KCNQ1: variants seen among roughly 807,000 people sequenced by gnomAD.
The protein encoded by KCNQ1 is potassium voltage-gated channel subfamily KQT member 1.
A neutral mutation model predicts 72.4 loss-of-function variants in KCNQ1; 49 were observed. The observed-to-expected ratio is 0.68, with a 90% CI of 0.54 to 0.86. KCNQ1 has a LOEUF of 0.86. Among genes scored for constraint, KCNQ1 ranks in the 40% least tolerant of loss-of-function variants. The probability of loss-of-function intolerance (pLI) is 0.00; values close to 1 mark genes in which losing one functional copy is unlikely to be tolerated. For synonymous variants in KCNQ1, 450 were observed against 412.6 expected (o/e 1.09, Z -1.10); for missense variants, 790 against 945.1 (o/e 0.84, Z 2.15).
At chr11:2,449,266 G>T (rs1346712906) in intron 1 of KCNQ1, among the ~76,000 whole-genome samples, 1 of 152,256 alleles carries the variant, frequency 6.6e-6, no homozygotes, top group African/African-American at 2.4e-5. Context: ...TGTGGGCATG[G>T]TGCCCGCAGC....
At position 2,624,836 on chromosome 11, in the gene KCNQ1, G is replaced by T; in HGVS notation, c.1393+35982G>T. On this transcript the variant is annotated intron_variant, in intron 10 of 15. Coordinates refer to ENST00000155840, the MANE Select transcript of KCNQ1 (RefSeq NM_000218.3). The surrounding 1 kb of genome is among the most constrained non-coding windows in gnomAD (Gnocchi z 4.9). ...TACCTCATATAAGTGGAAACATACAGTACTTCTCTTCTTGTGACTGCTGTA... is the reference window on the plus strand; with the variant it reads ...TACCTCATATAAGTGGAAACATACATTACTTCTCTTCTTGTGACTGCTGTA... 2.5e-6 allele frequency: 1 copy of T among 398,484 alleles called. No homozygotes were observed. The highest frequency in any genetic ancestry group is 3.6e-5 in the East Asian group (1 of 28,066). 24.7% of individuals were successfully genotyped at this position (398,484 alleles called of 1,614,324 possible). A position where few individuals can be genotyped will look rare whatever the true frequency, so the allele number is the denominator to read the frequency against.
At position 2,669,508 on chromosome 11, in the gene KCNQ1, A is replaced by C. The variant is rs1259731839; in HGVS notation, c.1514+7427A>C. ...TGTCAGATTCATTCCTTGTCAGCTA[A>C]TGGTTTGATGTATGTTCGCTGAATC... is the stretch of plus-strand genomic sequence containing the variant. On this transcript the variant is annotated intron_variant, in intron 11 of 15. Coordinates refer to ENST00000155840, the MANE Select transcript of KCNQ1 (RefSeq NM_000218.3). This position sits in a 1 kb window ranked among gnomAD's most constrained non-coding sequence, Gnocchi z 5.6. 3.8e-5 allele frequency: 15 copies of C among 398,572 alleles called. No homozygotes were observed. The East Asian group carries it at 5.3e-4, about 14-fold the overall frequency. 24.7% of individuals were successfully genotyped at this position (398,572 alleles called of 1,614,324 possible). A position where few individuals can be genotyped will look rare whatever the true frequency, so the allele number is the denominator to read the frequency against.
chr11:2,610,438 A>G (rs946318440), intron 10 of KCNQ1: 3 of 398,284 alleles, frequency 7.5e-6, no homozygotes, highest in Non-Finnish European at 1.3e-5. Context: ...CTTATATCAT[A>G]TATTTGATCC....
chr11:2,630,413 A>G (rs992323516), intron 10 of KCNQ1: 1 of 398,190 alleles, frequency 2.5e-6, no homozygotes, highest in Admixed American at 4.4e-5. Flanking sequence ...TATGAGGGCA[A>G]TGCTAGCCTT....
chr11:2,589,336 G>T (rs2133761876), intron 10 of KCNQ1, among the ~76,000 whole-genome samples: 1 of 152,290 alleles, frequency 6.6e-6, no homozygotes, highest in South Asian at 2.1e-4. Flanking sequence ...CAGCCCAGGG[G>T]CCCCGAGTCT....
In KCNQ1 at chr11:2,762,125, GAAA is replaced by G. The variant is rs1419752414; in HGVS notation, c.1515-6718_1515-6716del. ...TGCTCCCAGGCTGTTTGGGGTGATG[GAAA>G]GAGGCCAGGACGTGAGGCCAGGGTA... is the stretch of plus-strand genomic sequence containing the variant. On this transcript the variant is annotated intron_variant, in intron 11 of 15. Transcript: ENST00000155840. This position sits in a 1 kb window ranked among gnomAD's most constrained non-coding sequence, Gnocchi z 4.3. Among the ~76,000 whole-genome samples, 1 of 152,224 alleles carries G rather than the reference GAAA, an allele frequency of 6.6e-6. No individual in the cohort carries two copies. The highest frequency in any genetic ancestry group is 1.5e-5 in the Non-Finnish European group (1 of 68,042).
chr11:2,746,843 G>A lies in KCNQ1; in HGVS notation c.1515-22001G>A, dbSNP rs1219260354. 6.6e-6 allele frequency among the ~76,000 whole-genome samples: 1 copy of A among 152,202 alleles called. No homozygotes were observed. The highest frequency in any genetic ancestry group is 2.4e-5 in the African/African-American group (1 of 41,448). ...GGGCCCTAGAGAGACCCTGGGATGT[G>A]GATCACACTGGTGACCCCTGTGAGC... On this transcript the variant is annotated intron_variant, in intron 11 of 15. Coordinates refer to ENST00000155840, the MANE Select transcript of KCNQ1 (RefSeq NM_000218.3). This position sits in a 1 kb window ranked among gnomAD's most constrained non-coding sequence, Gnocchi z 5.9.
At chr11:2,814,281 GGATGGATGGATGGATGGATGGATA>G (rs1334883382) in intron 15 of KCNQ1, among the ~76,000 whole-genome samples, 3 of 138,484 alleles carry the variant, frequency 2.2e-5, no homozygotes, top group East Asian at 2.2e-4. Context: ...ATGGATGGTG[GGATGGATGGATGGATGGATGGATA>G]GATGGATGGA....
rs1008467966 is a variant in KCNQ1 at position 2,478,900 on chromosome 11, G to A, written c.386+33416G>A. Among the ~76,000 whole-genome samples the A allele has an allele frequency of 5.9e-5, 9 of 152,342 alleles. No homozygotes were observed. The highest frequency in any genetic ancestry group is 5.9e-4 in the Admixed American group (9 of 15,306). On this transcript the variant is annotated intron_variant, in intron 1 of 15. Transcript: ENST00000155840. This position sits in a 1 kb window ranked among gnomAD's most constrained non-coding sequence, Gnocchi z 4.0. Reference sequence around the variant, plus strand: ...GTTAGTTAATTCCTAGACACAATTAGGGTACAGGCCTTGGATAAATACACC... The same window carrying A: ...GTTAGTTAATTCCTAGACACAATTAAGGTACAGGCCTTGGATAAATACACC...
chr11:2,675,383 A>G (rs2133873661), intron 11 of KCNQ1: 1 of 398,658 alleles, frequency 2.5e-6, no homozygotes, highest in South Asian at 1.3e-4. Flanking sequence ...AAAACATTTA[A>G]ACACAGATAT....
At chr11:2,619,674 C>T (rs1197120021) in intron 10 of KCNQ1, 7 of 396,498 alleles carry the variant, frequency 1.8e-5, no homozygotes, top group East Asian at 3.6e-5. Context: ...GTGATGCTGG[C>T]CTCATAAAAT....
chr11:2,470,873 T>A (rs1460620192), intron 1 of KCNQ1, among the ~76,000 whole-genome samples: 1 of 152,172 alleles, frequency 6.6e-6, no homozygotes, highest in Non-Finnish European at 1.5e-5. Context: ...ACTTGTTCCC[T>A]TATGGATTGT....
Position 2,579,767 on chromosome 11 carries a change from GACCACCCA to G in KCNQ1, c.922-3667_922-3660del. ...TCTCGGGGCACCCCTGCCTTCTACT[GACCACCCA>G]GCCAGCCAGCAGGAGCCCACGTGCA... is the stretch of plus-strand genomic sequence containing the variant. On this transcript the variant is annotated intron_variant, in intron 6 of 15. Coordinates refer to ENST00000155840, the MANE Select transcript of KCNQ1 (RefSeq NM_000218.3). This position sits in a 1 kb window ranked among gnomAD's most constrained non-coding sequence, Gnocchi z 6.0. 6.6e-6 allele frequency among the ~76,000 whole-genome samples: 1 copy of G among 152,152 alleles called. No individual in the cohort carries two copies. Among genetic ancestry groups the G allele is most frequent in the South Asian group, 2.1e-4 (1 of 4,806 alleles).
chr11:2,561,143 C>T lies in KCNQ1; in HGVS notation c.478-9485C>T, dbSNP rs1175463119. ...TGTGAACCCCAGGGGGTGGAGCCTG[C>T]AGTGAGCCGAGATTGCGCCACTGCA... On this transcript the variant is annotated intron_variant, in intron 2 of 15. Transcript: ENST00000155840. Among the ~76,000 whole-genome samples the T allele has an allele frequency of 5.4e-5, 8 of 148,186 alleles. No individual in the cohort carries two copies. The East Asian group carries it at 1.4e-3, about 26-fold the overall frequency.
chr11:2,676,295 C>T lies in KCNQ1; in HGVS notation c.1514+14214C>T, dbSNP rs1194157892. The T allele has an allele frequency of 7.5e-6, 3 of 398,508 alleles. No homozygotes were observed. The highest frequency in any genetic ancestry group is 6.2e-5 in the African/African-American group (3 of 48,628). The allele number at this position is 398,508 out of a possible 1,614,324, so 24.7% of individuals were successfully genotyped here. ...ATGTGTGTTTACATGTATACAGACACACGTGTGAACAGGTGATGGCTCTGA... is the reference window on the plus strand; with the variant it reads ...ATGTGTGTTTACATGTATACAGACATACGTGTGAACAGGTGATGGCTCTGA... On this transcript the variant is annotated intron_variant, in intron 11 of 15. Transcript: ENST00000155840. This position sits in a 1 kb window ranked among gnomAD's most constrained non-coding sequence, Gnocchi z 4.2.
intron 10 of KCNQ1, chr11:2,640,142 C>T (rs1012954787): frequency 2.8e-6 from 1 of 351,416 alleles, no homozygotes; most frequent in Non-Finnish European, 5.1e-6. Flanking sequence ...ATTCCCTGAC[C>T]CCTTGTGCTT....
In KCNQ1 at chr11:2,642,239, C is replaced by G. The variant is rs1159882298; in HGVS notation, c.1394-19722C>G. 2.5e-6 allele frequency: 1 copy of G among 398,202 alleles called. No homozygotes were observed. The highest frequency in any genetic ancestry group is 2.1e-5 in the African/African-American group (1 of 48,590). 24.7% of individuals were successfully genotyped at this position (398,202 alleles called of 1,614,324 possible). On this transcript the variant is annotated intron_variant, in intron 10 of 15. Coordinates refer to ENST00000155840, the MANE Select transcript of KCNQ1 (RefSeq NM_000218.3). This position sits in a 1 kb window ranked among gnomAD's most constrained non-coding sequence, Gnocchi z 4.3. ...GGTCATTTTAATTTTGTTAATTCTCCCAATCCATGAGAATGGGATGTTTTT... is the reference window on the plus strand; with the variant it reads ...GGTCATTTTAATTTTGTTAATTCTCGCAATCCATGAGAATGGGATGTTTTT...
At position 2,677,434 on chromosome 11, in the gene KCNQ1, A is replaced by G. The variant is rs1215907599; in HGVS notation, c.1514+15353A>G. 5.0e-6 allele frequency: 2 copies of G among 398,460 alleles called. No homozygotes were observed. The allele number at this position is 398,460 out of a possible 1,614,324, so 24.7% of individuals were successfully genotyped here. A position where few individuals can be genotyped will look rare whatever the true frequency, so the allele number is the denominator to read the frequency against. ...ATTTCAGAGGACAGCAGGGGAGATG[A>G]TAATTGATGCAGGTGGCCTCTTGGT... On this transcript the variant is annotated intron_variant, in intron 11 of 15. Transcript: ENST00000155840. The surrounding 1 kb of genome is among the most constrained non-coding windows in gnomAD (Gnocchi z 4.5).
At chr11:2,770,919 G>C (rs534917631) in intron 12 of KCNQ1, among the ~76,000 whole-genome samples, 3 of 152,246 alleles carry the variant, frequency 2.0e-5, no homozygotes, top group Non-Finnish European at 4.4e-5. Flanking sequence ...GATCTGGGCA[G>C]GGCAGTCCCC....
Sources: gnomAD v4.1 joint callset for allele counts (sites outside exome capture counted in the v4.1 genomes callset) on GRCh38, gnomAD v4.1.1 for gene constraint, Gnocchi (gnomAD v3.1) non-coding constraint, MANE v1.5 for transcripts, NCBI Gene and HGNC (gene_info 2026-07-23, HGNC 2026-07-21) for gene names.